The following C12orf76 variants were observed in gnomAD, a reference collection of about 807,000 sequenced individuals.
C12orf76 encodes the protein uncharacterized protein C12orf76.
A neutral mutation model predicts 6.8 loss-of-function variants in C12orf76; 6 were observed. The ratio of observed to expected loss-of-function variants is 0.88; its 90% CI spans 0.48 to 1.73. The LOEUF is 1.73. Among genes scored for constraint, C12orf76 ranks in the 40% most tolerant of loss-of-function variants. C12orf76 has a pLI of 0.01. For missense variants in C12orf76, 99 were observed against 98.2 expected (o/e 1.01, Z -0.03); for synonymous variants, 56 against 43.7 (o/e 1.28, Z -1.11).
At chr12:110,058,966 A>G (rs778145482) in intron 3 of C12orf76, 4 of 1,510,124 alleles carry the variant, frequency 2.6e-6, no homozygotes, top group Admixed American at 2.4e-5. Flanking sequence ...AACCAACTCT[A>G]TAAGGAAGGT....
Position 110,060,129 on chromosome 12 carries a change from G to A in C12orf76, n.381-966C>T, listed in dbSNP as rs151059265. Among the ~76,000 whole-genome samples, 855 of 152,260 alleles carry A rather than the reference G, an allele frequency of 5.6e-3. 9 individuals are homozygous for A. Among genetic ancestry groups the A allele is most frequent in the Non-Finnish European group, 7.2e-3 (488 of 68,028 alleles). ...TATTCCCAGCTACTCAGAAAGCTGA[G>A]GCAGGAGAATAGCTTGAACCCCAGA... is the stretch of plus-strand genomic sequence containing the variant. On this transcript the variant is annotated intron_variant and non_coding_transcript_variant, in intron 2 of 4. Transcript: ENST00000309050.
At chr12:110,053,103 A>T (rs919258984), upstream of C12orf76, among the ~76,000 whole-genome samples, 1 of 151,920 alleles carries the variant, frequency 6.6e-6, no homozygotes, top group Non-Finnish European at 1.5e-5. Context: ...GAGGCAGGAG[A>T]ATCACTTGAA....
chr12:110,045,993 C>T (rs941382677), intron 1 of C12orf76: 1 of 182,332 alleles, frequency 5.5e-6, no homozygotes, highest in Admixed American at 5.4e-5. Flanking sequence ...TAAAAAGGAG[C>T]TTAAAACCAT....
At chr12:110,050,974 C>T (rs572571075), upstream of C12orf76, 138 of 744,708 alleles carry the variant, frequency 1.9e-4, 1 homozygote, top group South Asian at 1.9e-3. Flanking sequence ...TGTTGGGGTC[C>T]GTTAACACTA....
exon 1 of C12orf76, chr12:110,067,523 A>G: frequency 1.0e-6 from 1 of 985,484 alleles, no homozygotes; most frequent in African/African-American, 1.7e-5. Flanking sequence ...TTGTCTGGTA[A>G]CAGGATCTTC....
upstream of C12orf76, chr12:110,050,937 C>T (rs989422291): frequency 1.4e-6 from 1 of 695,184 alleles, no homozygotes; most frequent in Non-Finnish European, 2.6e-6. Flanking sequence ...GTGCAGAAAC[C>T]TGACCCAATG....
upstream of C12orf76, among the ~76,000 whole-genome samples, chr12:110,052,930 C>T (rs1397401813): frequency 1.3e-5 from 2 of 152,210 alleles, no homozygotes; most frequent in Non-Finnish European, 2.9e-5. Flanking sequence ...TGGCTGGGCG[C>T]AGTGGCTCAC....
intron 1 of C12orf76, among the ~76,000 whole-genome samples, chr12:110,043,676 A>C (rs887304651): frequency 6.6e-6 from 1 of 152,028 alleles, no homozygotes; most frequent in Non-Finnish European, 1.5e-5. Flanking sequence ...ATATAGTGAA[A>C]CCATGTCTCT....
intron 1 of C12orf76, chr12:110,066,104 AGGCCG>A: frequency 7.0e-7 from 1 of 1,420,984 alleles, no homozygotes; most frequent in South Asian, 1.5e-5. Flanking sequence ...GGTCAGGGGC[AGGCCG>A]GGCGCGGTAG....
At chr12:110,048,335 G>A in intron 1 of C12orf76, 28 bp downstream of exon 1, 2 of 1,477,882 alleles carry the variant, frequency 1.4e-6, no homozygotes, top group East Asian at 2.7e-5. Context: ...GGCACTACCC[G>A]CCGCCCGCCA....
rs1250728207 is a variant in C12orf76 at position 110,054,462 on chromosome 12, TATTG to T, written n.664+2723_664+2726del. ...GAGGCTAGTCACAAAAGGCCACACA[TATTG>T]ATTGACTCCATTTATATGAAATACC... is the stretch of plus-strand genomic sequence containing the variant. On this transcript the variant is annotated intron_variant and non_coding_transcript_variant, in intron 4 of 4. Coordinates refer to the C12orf76 transcript ENST00000309050. The surrounding 1 kb of genome is among the most constrained non-coding windows in gnomAD (Gnocchi z 4.4). 6.6e-6 allele frequency among the ~76,000 whole-genome samples: 1 copy of T among 152,168 alleles called. No individual in the cohort carries two copies. Among genetic ancestry groups the T allele is most frequent in the African/African-American group, 2.4e-5 (1 of 41,442 alleles).
At chr12:110,047,772 A>G (rs1378272670) in intron 1 of C12orf76, among the ~76,000 whole-genome samples, 1 of 152,264 alleles carries the variant, frequency 6.6e-6, no homozygotes, top group East Asian at 1.9e-4. Context: ...TGCGTAGCAC[A>G]AGACATGGGA....
chr12:110,057,410 A>G, intron 3 of C12orf76: 1 of 708,994 alleles, frequency 1.4e-6, no homozygotes, highest in Non-Finnish European at 2.5e-6. Flanking sequence ...ATGGACCCCT[A>G]AAGAACAGTG....
chr12:110,051,108 C>T (rs1288249887), upstream of C12orf76: 6 of 780,796 alleles, frequency 7.7e-6, no homozygotes, highest in Non-Finnish European at 1.4e-5. Flanking sequence ...CCTTGCTGTG[C>T]ACAGAACTGA....
intron 2 of C12orf76, among the ~76,000 whole-genome samples, chr12:110,060,487 T>TG (rs1371288521): frequency 2.6e-5 from 4 of 152,134 alleles, no homozygotes; most frequent in Non-Finnish European, 4.4e-5. Context: ...CAGTTGACAC[T>TG]GTGACCATGC....
rs566803175 is a variant in C12orf76, at chr12:110,062,691, C to G, written n.380+3169G>C. The stretch of plus-strand genomic sequence containing the variant: ...CTGGAGTCTAGTGGCATAAACACGA[C>G]TCACTGCAGCCTCAACTTCCCAGGA... On this transcript the variant is annotated intron_variant and non_coding_transcript_variant, in intron 2 of 4. Coordinates refer to the C12orf76 transcript ENST00000309050. Among the ~76,000 whole-genome samples, 7 of 150,716 alleles carry G rather than the reference C, an allele frequency of 4.6e-5. No individual in the cohort carries two copies. The South Asian group carries it at 6.3e-4, about 14-fold the overall frequency.
chr12:110,045,637 G>A (rs1196798947), intron 1 of C12orf76, among the ~76,000 whole-genome samples: 2 of 151,790 alleles, frequency 1.3e-5, no homozygotes, highest in East Asian at 1.9e-4. Flanking sequence ...GCAGAAGATT[G>A]GAATTGGGGA....
At chr12:110,046,372 G>A (rs915470853) in intron 1 of C12orf76, among the ~76,000 whole-genome samples, 3 of 152,238 alleles carry the variant, frequency 2.0e-5, no homozygotes, top group African/African-American at 7.2e-5. Flanking sequence ...GCTGCAGTGA[G>A]CTGAGACCGC....
At chr12:110,073,215 C>G (rs190827379) in intron 1 of C12orf76, among the ~76,000 whole-genome samples, 1 of 152,288 alleles carries the variant, frequency 6.6e-6, no homozygotes, top group East Asian at 1.9e-4. Flanking sequence ...GAATCCCGCT[C>G]GCCTTCCATG....
Sources: allele counts gnomAD v4.1 joint callset (sites outside exome capture counted in the v4.1 genomes callset), GRCh38; gene constraint gnomAD v4.1.1; non-coding constraint Gnocchi (gnomAD v3.1); transcripts MANE v1.5; gene names NCBI Gene and HGNC (gene_info 2026-07-23, HGNC 2026-07-21).